Variants in MYH14 observed in about 807,000 individuals in gnomAD.
MYH14 encodes the protein myosin-14.
A neutral mutation model predicts 255.5 loss-of-function variants in MYH14; 123 were observed. That is an observed-to-expected ratio of 0.48 (90% CI 0.42 to 0.56). The LOEUF is 0.56. MYH14 is among the 20% of genes least tolerant of loss of function. MYH14 has a pLI of 0.00. For synonymous variants in MYH14, 1,095 were observed against 1,161.2 expected (o/e 0.94, Z 1.16); for missense variants, 2,423 against 2,802.3 (o/e 0.86, Z 3.06).
chr19:50,291,850 G>A (rs1376162663), intron 36 of MYH14, among the ~76,000 whole-genome samples: 1 of 152,116 alleles, frequency 6.6e-6, no homozygotes, highest in Non-Finnish European at 1.5e-5. Flanking sequence ...GGGTGACAGA[G>A]CGAGACTGTC....
intron 30 of MYH14, among the ~76,000 whole-genome samples, chr19:50,279,762 C>T (rs879500266): frequency 2.6e-5 from 4 of 152,216 alleles, no homozygotes; most frequent in Non-Finnish European, 4.4e-5. Flanking sequence ...GGGCTGTTCC[C>T]GCCTCTTGGC....
chr19:50,276,926 C>T lies in MYH14; in HGVS notation c.3825+25C>T. The T allele has an allele frequency of 7.1e-7, 1 of 1,406,890 alleles. No homozygotes were observed. The highest frequency in any genetic ancestry group is 9.5e-7 in the Non-Finnish European group (1 of 1,047,520). The allele number at this position is 1,406,890 out of a possible 1,614,324, so 87.2% of individuals were successfully genotyped here. On this transcript the variant is annotated intron_variant, in intron 29 of 42. Transcript: ENST00000642316. The surrounding 1 kb of genome is among the most constrained non-coding windows in gnomAD (Gnocchi z 4.3). Reference sequence around the variant, plus strand: ...GGTGGGTTGGGGCAGGGGGACAGGGCAGGGGGGCCACGGGGAGGGCAGGGC... The same window carrying T: ...GGTGGGTTGGGGCAGGGGGACAGGGTAGGGGGGCCACGGGGAGGGCAGGGC...
intron 37 of MYH14, among the ~76,000 whole-genome samples, chr19:50,292,890 G>A (rs985964088): frequency 6.6e-6 from 1 of 151,872 alleles, no homozygotes; most frequent in African/African-American, 2.4e-5. Flanking sequence ...GAGGGAGAAG[G>A]CTATGGTGAG....
rs778403513 is a variant in MYH14 at position 50,281,574 on chromosome 19, C to A, written c.4291-20C>A. The A allele has an allele frequency of 1.0e-4, 160 of 1,555,180 alleles. No homozygotes were observed. The highest frequency in any genetic ancestry group is 2.4e-4 in the Middle Eastern group (1 of 4,234). ...ACTCATGGCCGTGACCACCAACCAC[C>A]CTCTCTCTCCTCCCCTCAGCTTTCC... is the stretch of plus-strand genomic sequence containing the variant. On this transcript the variant is annotated intron_variant, in intron 32 of 42. Transcript: ENST00000642316.
rs933768003 is a variant in MYH14, at chr19:50,210,480, G to A, written c.115G>A (p.Gly39Arg). Reference protein sequence around the residue: ...FTPRGPSAGGGPGSGTSPQVE... With the variant: ...FTPRGPSAGGRPGSGTSPQVE... ...GCCCCGCGGGCCCAGCGCGGGTGGC[G>A]GGCCTGGCTCGGGCACCTCCCCGCA... The change falls in exon 2 of 43, where the codon GGG (glycine) becomes AGG (arginine). Residue 39 changes from glycine (G) to arginine (R), a missense_variant. Coordinates refer to ENST00000642316, the MANE Select transcript of MYH14 (RefSeq NM_001145809.2). 3 of 1,550,914 alleles carry A rather than the reference G, an allele frequency of 1.9e-6. No homozygotes were observed. The highest frequency in any genetic ancestry group is 2.6e-6 in the Non-Finnish European group (3 of 1,148,974).
chr19:50,230,604 C>A lies in MYH14; in HGVS notation c.954C>A (p.Gly318=), dbSNP rs1229515298. The A allele has an allele frequency of 2.6e-6, 4 of 1,565,124 alleles. No homozygotes were observed. Among genetic ancestry groups the A allele is most frequent in the Non-Finnish European group, 3.5e-6 (4 of 1,155,258 alleles). ...SFHIFYQLLG[G]AGEQLKADLL... is the part of the protein sequence containing the mutation. ...ACATCTTCTACCAGCTGCTGGGGGG[C>A]GCTGGAGAGCAGCTCAAAGGTCAGT... The change falls in exon 9 of 43, where the codon GGC becomes GGA. Residue 318 remains glycine, a synonymous_variant. Transcript: ENST00000642316. The surrounding 1 kb of genome is among the most constrained non-coding windows in gnomAD (Gnocchi z 4.7).
intron 10 of MYH14, among the ~76,000 whole-genome samples, chr19:50,234,536 G>T (rs2033567229): frequency 6.6e-6 from 1 of 152,144 alleles, no homozygotes; most frequent in Non-Finnish European, 1.5e-5. Context: ...CGGGCCTCTT[G>T]TGGCCTATTG....
At chr19:50,292,431 A>G in intron 37 of MYH14, 42 bp downstream of exon 37, 1 of 1,462,562 alleles carries the variant, frequency 6.8e-7, no homozygotes, top group Non-Finnish European at 9.1e-7. Flanking sequence ...GGAAGCTGGG[A>G]GGTGGGCAAG....
intron 18 of MYH14, chr19:50,258,416 G>A (rs2034674665): frequency 6.6e-6 from 1 of 151,962 alleles, no homozygotes; most frequent in Non-Finnish European, 1.5e-5. Context: ...TGCCATTTGT[G>A]CATTACTGTT....
chr19:50,303,613 T>A (rs546449875), intron 40 of MYH14, among the ~76,000 whole-genome samples: 1 of 149,988 alleles, frequency 6.7e-6, no homozygotes, highest in Non-Finnish European at 1.5e-5. Context: ...GGGTGAGAAC[T>A]GGGACCATCT....
chr19:50,306,800 T>C (rs2036667614), intron 40 of MYH14, among the ~76,000 whole-genome samples: 1 of 152,222 alleles, frequency 6.6e-6, no homozygotes, highest in Non-Finnish European at 1.5e-5. Context: ...CATATACTTA[T>C]TATAACTCAC....
At chr19:50,245,436 GAAGAAAGAAAGA>G in intron 11 of MYH14, among the ~76,000 whole-genome samples, 1 of 128,308 alleles carries the variant, frequency 7.8e-6, no homozygotes, top group Middle Eastern at 3.8e-3. Flanking sequence ...AAAAAAAGAA[GAAGAAAGAAAGA>G]AAAAGAAGAA....
intron 30 of MYH14, among the ~76,000 whole-genome samples, chr19:50,279,487 G>A (rs1379394715): frequency 6.6e-6 from 1 of 152,152 alleles, no homozygotes; most frequent in African/African-American, 2.4e-5. Context: ...TACAAAATTA[G>A]CCGGGTGTGG....
At chr19:50,220,919 G>A (rs2032786963) in intron 3 of MYH14, among the ~76,000 whole-genome samples, 1 of 152,124 alleles carries the variant, frequency 6.6e-6, no homozygotes, top group South Asian at 2.1e-4. Flanking sequence ...TCTCCAGGTA[G>A]AATAGTGGAT....
In MYH14 at chr19:50,252,293, A is replaced by AGAACCCCAGGTGGCAG. The variant is rs2034431485; in HGVS notation, c.1831-340_1831-325dup. ...CCAGTGGTGTGAAACCCACAGAGAC[A>AGAACCCCAGGTGGCAG]GAACCCCAGGTGGCAGGAACCGCAG... is the stretch of plus-strand genomic sequence containing the variant. On this transcript the variant is annotated intron_variant, in intron 15 of 42. Coordinates refer to ENST00000642316, the MANE Select transcript of MYH14 (RefSeq NM_001145809.2). This position sits in a 1 kb window ranked among gnomAD's most constrained non-coding sequence, Gnocchi z 4.2. Among the ~76,000 whole-genome samples the AGAACCCCAGGTGGCAG allele has an allele frequency of 6.6e-6, 1 of 152,196 alleles. No homozygotes were observed. The highest frequency in any genetic ancestry group is 6.5e-5 in the Admixed American group (1 of 15,278).
chr19:50,210,672 A>G lies in MYH14; in HGVS notation c.307A>G (p.Lys103Glu), dbSNP rs753454148. 7 of 1,571,216 alleles carry G rather than the reference A, an allele frequency of 4.5e-6. No homozygotes were observed. Among genetic ancestry groups the G allele is most frequent in the Non-Finnish European group, 6.0e-6 (7 of 1,160,034 alleles). The change falls in exon 2 of 43, where the codon AAG becomes GAG. Residue 103 changes from lysine (K) to glutamate (E), a missense_variant. Lys to Glu is a moderately conservative substitution (Grantham distance 56). Coordinates refer to ENST00000642316, the MANE Select transcript of MYH14 (RefSeq NM_001145809.2). Reference protein sequence around the residue: ...RDQIQRMNPPKFSKAEDMAEL... With the variant: ...RDQIQRMNPPEFSKAEDMAEL... ...CCAGATCCAGCGCATGAACCCGCCC[A>G]AGTTCAGCAAGGCCGAGGACATGGC...
At position 50,254,132 on chromosome 19, in the gene MYH14, G is replaced by A. The variant is rs192202973; in HGVS notation, c.1946-1088G>A. On this transcript the variant is annotated intron_variant, in intron 16 of 42. Coordinates refer to ENST00000642316, the MANE Select transcript of MYH14 (RefSeq NM_001145809.2). ...CTCGGGGGGCTGAGGCAGGGGAATC[G>A]CTTGAACCCGGGAGGTGGAGGTTGT... is the stretch of plus-strand genomic sequence containing the variant. Among the ~76,000 whole-genome samples, 398 of 151,648 alleles carry A rather than the reference G, an allele frequency of 2.6e-3. 2 individuals carry two copies. Among genetic ancestry groups the A allele is most frequent in the African/African-American group, 8.9e-3 (366 of 41,280 alleles).
intron 10 of MYH14, among the ~76,000 whole-genome samples, chr19:50,240,665 A>G (rs569066844): frequency 1.3e-4 from 20 of 151,164 alleles, no homozygotes; most frequent in African/African-American, 4.9e-4. Flanking sequence ...GGCCAGGCAC[A>G]GTGGCTCATG....
At chr19:50,268,080 A>T (rs545356801) in intron 23 of MYH14, 81 bp from the exon 24 acceptor site, 1 of 1,485,832 alleles carries the variant, frequency 6.7e-7, no homozygotes, top group African/African-American at 1.4e-5. Flanking sequence ...GGCCAAAGCA[A>T]GTTACAAGGC....
Sources: gnomAD v4.1 joint callset for allele counts (sites outside exome capture counted in the v4.1 genomes callset) on GRCh38, gnomAD v4.1.1 for gene constraint, Gnocchi (gnomAD v3.1) non-coding constraint, MANE v1.5 for transcripts, NCBI Gene and HGNC (gene_info 2026-07-23, HGNC 2026-07-21) for gene names.